The following LHX1 variants were observed in gnomAD, a reference collection of about 807,000 sequenced individuals.
The protein encoded by LHX1 is LIM/homeobox protein Lhx1.
A neutral mutation model predicts 34.1 loss-of-function variants in LHX1; 9 were observed. That is an observed-to-expected ratio of 0.26 (90% CI 0.16 to 0.46). The LOEUF is 0.46. Ranked by LOEUF, LHX1 falls within the 20% of genes least tolerant of loss-of-function variation. The probability of loss-of-function intolerance (pLI) is 1.00; values close to 1 mark genes in which losing one functional copy is unlikely to be tolerated. For missense variants in LHX1, 446 were observed against 559.1 expected (o/e 0.80, Z 2.04); for synonymous variants, 254 against 241.5 (o/e 1.05, Z -0.48).
At chr17:36,942,097 G>C in intron 3 of LHX1, 103 bp from the exon 4 acceptor site, 1 of 1,219,344 alleles carries the variant, frequency 8.2e-7, no homozygotes, top group Non-Finnish European at 1.1e-6. Context: ...GCGCGCGCGC[G>C]GTGTCGGCTA....
At position 36,942,734 on chromosome 17, in the gene LHX1, C is replaced by T; in HGVS notation, c.842-18C>T. On this transcript the variant is annotated intron_variant, in intron 4 of 4. Coordinates refer to ENST00000614239, the MANE Select transcript of LHX1 (RefSeq NM_005568.5). The stretch of plus-strand genomic sequence containing the variant: ...CGGCCGGGCCCTGACGTCCTGCGCC[C>T]TCCCCGCCGCTCCGCAGATTACCAG... 6.7e-7 allele frequency: 1 copy of T among 1,485,600 alleles called. No individual in the cohort carries two copies. Among genetic ancestry groups the T allele is most frequent in the African/African-American group, 1.4e-5 (1 of 70,182 alleles). The allele number at this position is 1,485,600 out of a possible 1,614,324, so 92.0% of individuals were successfully genotyped here.
At position 36,942,836 on chromosome 17, in the gene LHX1, T is replaced by G; in HGVS notation, c.926T>G (p.Val309Gly). 1 of 1,586,762 alleles carries G rather than the reference T, an allele frequency of 6.3e-7. No homozygotes were observed. The highest frequency in any genetic ancestry group is 1.3e-5 in the African/African-American group (1 of 74,402). The change falls in exon 5 of 5, where the codon GTG becomes GGG. Residue 309 changes from valine (V) to glycine (G), a missense_variant. Physicochemically the swap from Val to Gly is moderately radical, Grantham distance 109. Transcript: ENST00000614239. ...GPPSSQAQTP[V>G]DLPFVPSSGP... is the part of the protein sequence containing the mutation. ...CCGTCCTCGCAGGCCCAGACACCAG[T>G]GGACCTACCCTTCGTGCCGTCATCT...
Position 36,943,204 on chromosome 17 carries a change from A to AAG in LHX1, c.*74_*75insGA. ...CTTTATTTAAGAAAAATAGAAAAAA[A>AAG]AAAACATAAAAAGCAAGTCCCCACC... On this transcript the variant is annotated 3_prime_UTR_variant, in exon 5 of 5. Coordinates refer to ENST00000614239, the MANE Select transcript of LHX1 (RefSeq NM_005568.5). 2 of 1,512,784 alleles carry AAG rather than the reference A, an allele frequency of 1.3e-6. No individual in the cohort carries two copies. The highest frequency in any genetic ancestry group is 1.8e-6 in the Non-Finnish European group (2 of 1,127,408). The allele number at this position is 1,512,784 out of a possible 1,614,324, so 93.7% of individuals were successfully genotyped here.
At chr17:36,940,935 C>T in intron 3 of LHX1, 48 bp downstream of exon 3, 1 of 1,544,786 alleles carries the variant, frequency 6.5e-7, no homozygotes, top group East Asian at 2.4e-5. Flanking sequence ...CACACTGCCA[C>T]TTTGGGCACC....
At chr17:36,938,434 C>T in intron 1 of LHX1, 67 bp downstream of exon 1, 1 of 1,525,114 alleles carries the variant, frequency 6.6e-7, no homozygotes, top group South Asian at 1.1e-5. Context: ...AGCTTCGGAT[C>T]AGAGGTTAGC....
At chr17:36,939,739 G>A (rs1193904309) in intron 1 of LHX1, among the ~76,000 whole-genome samples, 1 of 152,256 alleles carries the variant, frequency 6.6e-6, no homozygotes, top group Non-Finnish European at 1.5e-5. Flanking sequence ...TAAGGCTACG[G>A]AGGGGGGCTC....
chr17:36,942,970 T>A lies in LHX1; in HGVS notation c.1060T>A (p.Ser354Thr), dbSNP rs2079598596. Residue 354 changes from serine (S) to threonine (T), a missense_variant, in exon 5 of 5, where the codon TCG (serine) becomes ACG (threonine). This residue lies in a region of LHX1 where 235 missense variants were observed against 224.4 expected (regional missense o/e 1.05). Transcript: ENST00000614239. ...CATCCTGGCGCACCCACCCGGGGAC[T>A]CGCCCAGCCCCGAGCCCAGCCTGCC... ...TDILAHPPGD[S>T]PSPEPSLPGP... 2 of 1,610,542 alleles carry A rather than the reference T, an allele frequency of 1.2e-6. No individual in the cohort carries two copies. Among genetic ancestry groups the A allele is most frequent in the African/African-American group, 2.7e-5 (2 of 74,862 alleles).
chr17:36,942,189 A>G lies in LHX1; in HGVS notation c.676-11A>G, dbSNP rs768549362. ...GTCTCGGTGGCCTCACCCCGCCGCC[A>G]TGTGCTGCAGGTCTGGTTCCAGAAC... On this transcript the variant is annotated splice_polypyrimidine_tract_variant and intron_variant, in intron 3 of 4. Coordinates refer to ENST00000614239, the MANE Select transcript of LHX1 (RefSeq NM_005568.5). 1.5e-5 allele frequency: 23 copies of G among 1,584,028 alleles called. 1 individual carries two copies. The South Asian group carries it at 2.2e-4, about 15-fold the overall frequency.
chr17:36,942,256 G>A lies in LHX1; in HGVS notation c.732G>A (p.Leu244=), dbSNP rs1484619282. 6.2e-7 allele frequency: 1 copy of A among 1,600,942 alleles called. No individual in the cohort carries two copies. Among genetic ancestry groups the A allele is most frequent in the Middle Eastern group, 2.0e-4 (1 of 4,930 alleles). Residue 244 remains leucine, a synonymous_variant, in exon 4 of 5, where the codon CTG becomes CTA. Transcript: ENST00000614239. ...KERRMKQLSA[L]GARRHAFFRS... ...GGAGGATGAAGCAGCTGAGCGCCCTGGGCGCCCGGCGCCACGCCTTCTTCC... is the reference window on the plus strand; with the variant it reads ...GGAGGATGAAGCAGCTGAGCGCCCTAGGCGCCCGGCGCCACGCCTTCTTCC...
Position 36,940,778 on chromosome 17 carries a change from C to T in LHX1, c.566C>T (p.Ala189Val). The T allele has an allele frequency of 6.2e-7, 1 of 1,613,446 alleles. No homozygotes were observed. Among genetic ancestry groups the T allele is most frequent in the Non-Finnish European group, 8.5e-7 (1 of 1,180,030 alleles). ...CGGGGACCGCGCACCACCATCAAAGCCAAGCAGCTGGAGACGCTGAAGGCC... is the reference window on the plus strand; with the variant it reads ...CGGGGACCGCGCACCACCATCAAAGTCAAGCAGCTGGAGACGCTGAAGGCC... The part of the protein sequence containing the change: ...KRRGPRTTIK[A>V]KQLETLKAAF... Residue 189 changes from alanine to valine, a missense_variant, in exon 3 of 5, where the codon GCC (alanine) becomes GTC (valine). By Grantham distance (64) the Ala-to-Val change is moderately conservative. Coordinates refer to ENST00000614239, the MANE Select transcript of LHX1 (RefSeq NM_005568.5).
At position 36,942,954 on chromosome 17, in the gene LHX1, G is replaced by A; in HGVS notation, c.1044G>A (p.Ala348=). 6.2e-7 allele frequency: 1 copy of A among 1,609,588 alleles called. No homozygotes were observed. The highest frequency in any genetic ancestry group is 8.5e-7 in the Non-Finnish European group (1 of 1,178,598). The change falls in exon 5 of 5, where the codon GCG becomes GCA. Residue 348 remains alanine, a synonymous_variant. Coordinates refer to ENST00000614239, the MANE Select transcript of LHX1 (RefSeq NM_005568.5). ...SEAQRFTDIL[A]HPPGDSPSPE... The stretch of plus-strand genomic sequence containing the variant: ...CGCAGCGGTTTACCGACATCCTGGC[G>A]CACCCACCCGGGGACTCGCCCAGCC...
At chr17:36,940,025 C>A (rs760285779) in intron 1 of LHX1, 2 of 588,854 alleles carry the variant, frequency 3.4e-6, no homozygotes, top group African/African-American at 3.7e-5. Context: ...GTAGCTTGGG[C>A]CCCTGGCTCT....
At position 36,942,806 on chromosome 17, in the gene LHX1, GC is replaced by G; in HGVS notation, c.902del (p.Pro301ArgfsTer100). On this transcript the variant is annotated frameshift_variant, in exon 5 of 5. Coordinates refer to ENST00000614239, the MANE Select transcript of LHX1 (RefSeq NM_005568.5). LOFTEE classifies it high-confidence loss of function. ...GGCAACTACGACTTCTTCCCGCAAGGCCCCCCGTCCTCGCAGGCCCAGACAC... is the reference window on the plus strand; with the variant it reads ...GGCAACTACGACTTCTTCCCGCAAGGCCCCCGTCCTCGCAGGCCCAGACAC... ...PGGNYDFFPQGPPSSQAQTPV... is the reference protein window; with the variant it reads ...PGGNYDFFPQXPPSSQAQTPV... The G allele has an allele frequency of 6.4e-7, 1 of 1,551,966 alleles. No homozygotes were observed. The highest frequency in any genetic ancestry group is 1.2e-5 in the South Asian group (1 of 83,638).
chr17:36,938,416 T>G, intron 1 of LHX1, 49 bp downstream of exon 1: 18 of 1,556,492 alleles, frequency 1.2e-5, no homozygotes, highest in East Asian at 2.2e-5. Context: ...CGCGGGCCCT[T>G]CCCGGCCAGC....
chr17:36,938,636 C>T, intron 1 of LHX1: 1 of 571,652 alleles, frequency 1.7e-6, no homozygotes, highest in Non-Finnish European at 3.1e-6. Flanking sequence ...CCAGAAGCCC[C>T]TTCAAGCTTG....
Position 36,942,963 on chromosome 17 carries a change from CG to C in LHX1, c.1057del (p.Asp353ThrfsTer48). ...TTACCGACATCCTGGCGCACCCACC[CG>C]GGGACTCGCCCAGCCCCGAGCCCAG... is the stretch of plus-strand genomic sequence containing the variant. ...RFTDILAHPP[G>X]DSPSPEPSLP... is the part of the protein sequence containing the mutation. On this transcript the variant is annotated frameshift_variant, in exon 5 of 5. Transcript: ENST00000614239. LOFTEE classifies it high-confidence loss of function. 6.2e-7 allele frequency: 1 copy of C among 1,610,582 alleles called. No individual in the cohort carries two copies. Among genetic ancestry groups the C allele is most frequent in the Non-Finnish European group, 8.5e-7 (1 of 1,179,018 alleles).
At chr17:36,937,206 C>T (rs1453576253), upstream of LHX1, 1 of 453,284 alleles carries the variant, frequency 2.2e-6, no homozygotes, top group African/African-American at 2.0e-5. Context: ...CCCAGGCGGC[C>T]GCGAGTTGTG....
At chr17:36,940,258 C>CGGGGGGGG in intron 1 of LHX1, 32 bp from the exon 2 acceptor site, 19 of 528,852 alleles carry the variant, frequency 3.6e-5, no homozygotes, top group Non-Finnish European at 4.3e-5. Flanking sequence ...GACCCATCCC[C>CGGGGGGGG]GCCCCCGCCC....
chr17:36,936,877 C>T (rs1456265339), upstream of LHX1: 2 of 201,476 alleles, frequency 9.9e-6, no homozygotes, highest in Non-Finnish European at 2.0e-5. Context: ...AGGGACGCGC[C>T]CGGGGAGGGC....
Sources: allele counts gnomAD v4.1 joint callset (sites outside exome capture counted in the v4.1 genomes callset), GRCh38; gene constraint gnomAD v4.1.1; regional missense constraint gnomAD v4.1.1; transcripts MANE v1.5; gene names NCBI Gene and HGNC (gene_info 2026-07-23, HGNC 2026-07-21).